ABTB3: variants seen among roughly 807,000 people sequenced by gnomAD.
ABTB3 encodes ankyrin repeat and BTB domain containing 3, also known as ankyrin repeat- and BTB/POZ domain-containing protein 3.
chr12:107,468,800 C>G, the ABTB3 span, among the ~76,000 whole-genome samples: 2 of 152,060 alleles, frequency 1.3e-5, no homozygotes, highest in East Asian at 1.9e-4. Flanking sequence ...AAAAATGGAG[C>G]AGGATATAGG....
At chr12:107,629,616 A>G in the ABTB3 span, among the ~76,000 whole-genome samples, 2 of 56,262 alleles carry the variant, frequency 3.6e-5, no homozygotes, top group African/African-American at 1.3e-4. Context: ...CCCCACCCCC[A>G]CCCACCCACC....
the ABTB3 span, among the ~76,000 whole-genome samples, chr12:107,589,979 G>C: frequency 6.6e-6 from 1 of 152,142 alleles, no homozygotes; most frequent in Non-Finnish European, 1.5e-5. Flanking sequence ...GTGTGATCTT[G>C]GCTCACTGCA....
chr12:107,558,341 A>T, the ABTB3 span, among the ~76,000 whole-genome samples: 1 of 152,226 alleles, frequency 6.6e-6, no homozygotes. Context: ...TGTCCCTGCC[A>T]TCCAGCAACA....
the ABTB3 span, chr12:107,635,136 C>G: frequency 1.6e-6 from 1 of 626,990 alleles, no homozygotes; most frequent in Non-Finnish European, 2.7e-6. Flanking sequence ...TGAATGCAAA[C>G]GACTTCTGTG....
chr12:107,618,108 G>C, the ABTB3 span: 1 of 1,574,942 alleles, frequency 6.3e-7, no homozygotes, highest in Non-Finnish European at 8.7e-7. Flanking sequence ...TGCCCCAGCA[G>C]ATCCACTTCC....
chr12:107,478,921 C>T, the ABTB3 span, among the ~76,000 whole-genome samples: 2 of 152,078 alleles, frequency 1.3e-5, no homozygotes, highest in South Asian at 2.1e-4. Context: ...TTGATCTGCC[C>T]GAACCTTCAG....
chr12:107,651,863 A>C, the ABTB3 span: 2 of 1,256,632 alleles, frequency 1.6e-6, no homozygotes, highest in East Asian at 4.7e-5. Context: ...GCAAACACAG[A>C]GGCAGGGCAG....
the ABTB3 span, among the ~76,000 whole-genome samples, chr12:107,364,668 C>T: frequency 1.3e-5 from 2 of 152,078 alleles, no homozygotes; most frequent in African/African-American, 2.4e-5. Context: ...TTGGCCAAAG[C>T]AAGTTGTGGT....
the ABTB3 span, among the ~76,000 whole-genome samples, chr12:107,442,457 G>A: frequency 2.0e-5 from 3 of 152,200 alleles, no homozygotes; most frequent in African/African-American, 7.2e-5. Context: ...CACAAAATGT[G>A]GAAGATTGAT....
At chr12:107,377,831 G>A in the ABTB3 span, among the ~76,000 whole-genome samples, 1 of 152,156 alleles carries the variant, frequency 6.6e-6, no homozygotes, top group Non-Finnish European at 1.5e-5. Context: ...TGTAATAAAG[G>A]CAGTAGGATG....
chr12:107,476,007 G>T, the ABTB3 span, among the ~76,000 whole-genome samples: 1 of 152,192 alleles, frequency 6.6e-6, no homozygotes, highest in African/African-American at 2.4e-5. Flanking sequence ...GATTAAAGCC[G>T]TGGATCACAC....
chr12:107,634,782 C>T, the ABTB3 span: 1 of 152,148 alleles, frequency 6.6e-6, no homozygotes, highest in Non-Finnish European at 1.5e-5. Flanking sequence ...ACTTCTGGGT[C>T]CGGAAATGCC....
the ABTB3 span, among the ~76,000 whole-genome samples, chr12:107,469,952 CTTTCTTTCTTTCTTTCTT>C: frequency 1.6e-4 from 10 of 60,758 alleles, no homozygotes; most frequent in African/African-American, 7.7e-4. Context: ...CTCTTTCTTT[CTTTCTTTCTTTCTTTCTT>C]TCTTTCTTTC....
chr12:107,619,947 C>G, the ABTB3 span: 1,718 of 1,539,214 alleles, frequency 1.1e-3, 3 homozygotes, highest in Admixed American at 1.9e-3. Flanking sequence ...CTCTCTCCCC[C>G]TCCCCTGCCA....
the ABTB3 span, chr12:107,658,612 C>T: frequency 6.6e-6 from 1 of 152,552 alleles, no homozygotes; most frequent in African/African-American, 2.4e-5. Flanking sequence ...TCATTTTTGC[C>T]AAGGTAAAAA....
chr12:107,352,760 G>A, the ABTB3 span, among the ~76,000 whole-genome samples: 14 of 152,158 alleles, frequency 9.2e-5, no homozygotes, highest in South Asian at 2.9e-3. Context: ...GAGTAGGAGG[G>A]GATGTAGAGT....
the ABTB3 span, among the ~76,000 whole-genome samples, chr12:107,320,271 C>T: frequency 6.6e-6 from 1 of 152,212 alleles, no homozygotes; most frequent in Non-Finnish European, 1.5e-5. Context: ...GTATTTCACG[C>T]TGCTGGTGCT....
the ABTB3 span, among the ~76,000 whole-genome samples, chr12:107,323,911 G>T: frequency 6.6e-6 from 1 of 152,242 alleles, no homozygotes; most frequent in East Asian, 1.9e-4. Flanking sequence ...TTTAAAATTT[G>T]CCTATCACCT....
chr12:107,330,210 C>T, the ABTB3 span, among the ~76,000 whole-genome samples: 1 of 152,170 alleles, frequency 6.6e-6, no homozygotes, highest in Non-Finnish European at 1.5e-5. Context: ...TTAGACTAAG[C>T]ATCTGCCAGA....
Sources: allele counts gnomAD v4.1 joint callset (sites outside exome capture counted in the v4.1 genomes callset), GRCh38; gene constraint gnomAD v4.1.1; transcripts MANE v1.5; gene names NCBI Gene and HGNC (gene_info 2026-07-23, HGNC 2026-07-21).